The following GRIK4 variants were observed in gnomAD, a reference collection of about 807,000 sequenced individuals.
GRIK4 encodes glutamate receptor ionotropic, kainate 4.
In GRIK4, 40 loss-of-function variants were observed where a neutral mutation model predicts 104.9. That is an observed-to-expected ratio of 0.38 (90% CI 0.30 to 0.50). The LOEUF (loss-of-function observed/expected upper bound fraction) is 0.50. Ranked by LOEUF, GRIK4 falls within the 20% of genes least tolerant of loss-of-function variation. The probability of loss-of-function intolerance (pLI) is 0.93; values close to 1 mark genes in which losing one functional copy is unlikely to be tolerated. For synonymous variants in GRIK4, 485 were observed against 524.9 expected (o/e 0.92, Z 1.04); for missense variants, 1,047 against 1,308.1 (o/e 0.80, Z 3.08).
At chr11:120,864,443 T>C (rs1330056416) in intron 9 of GRIK4, among the ~76,000 whole-genome samples, 1 of 152,050 alleles carries the variant, frequency 6.6e-6, no homozygotes, top group East Asian at 1.9e-4. Flanking sequence ...GGTTTCACCG[T>C]GTTAGCCAGG....
At chr11:120,621,780 C>CA (rs1435231160) in intron 1 of GRIK4, among the ~76,000 whole-genome samples, 1 of 152,196 alleles carries the variant, frequency 6.6e-6, no homozygotes, top group African/African-American at 2.4e-5. Context: ...GACATACTGT[C>CA]ATCCGTAGAG....
At chr11:120,787,294 A>T (rs903713582) in intron 3 of GRIK4, among the ~76,000 whole-genome samples, 1 of 152,224 alleles carries the variant, frequency 6.6e-6, no homozygotes, top group African/African-American at 2.4e-5. Flanking sequence ...GCACCACTGC[A>T]CTCCAGCCTG....
At chr11:120,689,455 C>T (rs117467986) in intron 3 of GRIK4, among the ~76,000 whole-genome samples, 2 of 152,138 alleles carry the variant, frequency 1.3e-5, no homozygotes, top group East Asian at 3.9e-4. Flanking sequence ...TCCAGCCATA[C>T]CCACCCTCCT....
intron 3 of GRIK4, among the ~76,000 whole-genome samples, chr11:120,699,847 C>T (rs1252304968): frequency 6.6e-6 from 1 of 152,104 alleles, no homozygotes; most frequent in African/African-American, 2.4e-5. Context: ...GGGGCATGCC[C>T]AGGGGGTCCA....
intron 3 of GRIK4, among the ~76,000 whole-genome samples, chr11:120,696,947 C>G (rs929888008): frequency 3.9e-5 from 6 of 152,306 alleles, no homozygotes; most frequent in South Asian, 2.1e-4. Flanking sequence ...TGGGGCAGCC[C>G]CATGTCTGGA....
chr11:120,904,870 T>C (rs899444782), intron 12 of GRIK4, among the ~76,000 whole-genome samples: 1 of 152,198 alleles, frequency 6.6e-6, no homozygotes, highest in Non-Finnish European at 1.5e-5. Flanking sequence ...ATGCCCTCCT[T>C]GGACTGCAGT....
At chr11:120,724,335 A>G (rs1950990823) in intron 3 of GRIK4, among the ~76,000 whole-genome samples, 1 of 152,190 alleles carries the variant, frequency 6.6e-6, no homozygotes, top group African/African-American at 2.4e-5. Flanking sequence ...AATACTGGAT[A>G]GTATTCCACT....
At chr11:120,617,024 A>T (rs1402887382) in intron 1 of GRIK4, among the ~76,000 whole-genome samples, 1 of 152,168 alleles carries the variant, frequency 6.6e-6, no homozygotes, top group Non-Finnish European at 1.5e-5. Context: ...TGGAGCAAAA[A>T]GTTCACTTAG....
intron 8 of GRIK4, among the ~76,000 whole-genome samples, chr11:120,845,948 T>C (rs1420824576): frequency 2.0e-5 from 3 of 152,140 alleles, no homozygotes; most frequent in Non-Finnish European, 4.4e-5. Flanking sequence ...CCCTGAGAGG[T>C]GGCAGGTCTG....
chr11:120,585,061 G>A (rs1948641327), intron 1 of GRIK4, among the ~76,000 whole-genome samples: 1 of 152,230 alleles, frequency 6.6e-6, no homozygotes, highest in Non-Finnish European at 1.5e-5. Flanking sequence ...GTATCAGAAT[G>A]ATGCTGACCT....
Position 120,831,976 on chromosome 11 carries a change from C to T in GRIK4, c.636C>T (p.Thr212=), listed in dbSNP as rs148308915. ...PLLKEIRDDK[T]ATIIIHANAS... ...TCAAGGAGATCCGGGACGACAAGACCGCCACCATCATCATCCACGCCAACG... is the reference window on the plus strand; with the variant it reads ...TCAAGGAGATCCGGGACGACAAGACTGCCACCATCATCATCCACGCCAACG... Residue 212 remains threonine, a synonymous_variant, in exon 7 of 21, where the codon ACC becomes ACT. Transcript: ENST00000527524. 1.1e-3 allele frequency: 1,734 copies of T among 1,613,772 alleles called. 1 individual carries two copies. The highest frequency in any genetic ancestry group is 1.3e-3 in the Non-Finnish European group (1,587 of 1,179,932).
intron 3 of GRIK4, among the ~76,000 whole-genome samples, chr11:120,740,458 A>G (rs1192040568): frequency 6.6e-6 from 1 of 152,166 alleles, no homozygotes; most frequent in Admixed American, 6.5e-5. Flanking sequence ...TGCTGACCCC[A>G]CATTACCCAG....
intron 13 of GRIK4, among the ~76,000 whole-genome samples, chr11:120,912,835 T>C (rs1222655487): frequency 6.6e-6 from 1 of 152,122 alleles, no homozygotes; most frequent in East Asian, 1.9e-4. Context: ...TGGAGCAATA[T>C]TGGAATTGGC....
At chr11:120,794,343 A>AG (rs1952468147) in intron 3 of GRIK4, among the ~76,000 whole-genome samples, 1 of 151,640 alleles carries the variant, frequency 6.6e-6, no homozygotes, top group African/African-American at 2.4e-5. Context: ...GATGGTTTTG[A>AG]GGGTAAGGGT....
intron 3 of GRIK4, among the ~76,000 whole-genome samples, chr11:120,728,756 A>G (rs1425540692): frequency 6.6e-6 from 1 of 152,236 alleles, no homozygotes; most frequent in Non-Finnish European, 1.5e-5. Context: ...TTGTGCTACA[A>G]GCAATCCAAT....
intron 15 of GRIK4, among the ~76,000 whole-genome samples, chr11:120,954,968 G>A (rs1259076427): frequency 6.6e-6 from 1 of 152,054 alleles, no homozygotes; most frequent in Non-Finnish European, 1.5e-5. Context: ...AGAGCCCTGG[G>A]TCCCCAACTC....
At chr11:120,625,691 T>G (rs1045508579) in intron 1 of GRIK4, among the ~76,000 whole-genome samples, 42 of 151,846 alleles carry the variant, frequency 2.8e-4, no homozygotes, top group Non-Finnish European at 1.0e-4. Context: ...CTTCCCTTCT[T>G]ACCCCTGGCT....
At chr11:120,982,071 T>A in intron 19 of GRIK4, 35 bp from the exon 20 acceptor site, 1 of 1,277,688 alleles carries the variant, frequency 7.8e-7, no homozygotes, top group South Asian at 1.2e-5. Flanking sequence ...CCTGATCTTT[T>A]ACAATATTTT....
intron 6 of GRIK4, among the ~76,000 whole-genome samples, chr11:120,830,104 C>T (rs190858548): frequency 2.0e-3 from 306 of 151,610 alleles, no homozygotes; most frequent in African/African-American, 7.1e-3. Flanking sequence ...GACAGGAAGA[C>T]GGGTTGGCAG....
Sources: allele counts gnomAD v4.1 joint callset (sites outside exome capture counted in the v4.1 genomes callset), GRCh38; gene constraint gnomAD v4.1.1; transcripts MANE v1.5; gene names NCBI Gene and HGNC (gene_info 2026-07-23, HGNC 2026-07-21).